SPAG9: variants seen among roughly 807,000 people sequenced by gnomAD.
SPAG9 encodes the protein sperm associated antigen 9, also known as C-Jun-amino-terminal kinase-interacting protein 4.
Under a neutral mutation model 166.5 loss-of-function variants are expected in SPAG9, and 35 were observed. The observed-to-expected ratio is 0.21, with a 90% confidence interval of 0.16 to 0.28. SPAG9 has a LOEUF of 0.28. Ranked by LOEUF, SPAG9 falls within the 10% of genes least tolerant of loss-of-function variation. SPAG9 has a pLI of 1.00. For synonymous variants in SPAG9, 534 were observed against 565.5 expected, an observed-to-expected ratio of 0.94 and a Z score of 0.79; for missense variants, 1,235 against 1,603.3, an observed-to-expected ratio of 0.77 and a Z score of 3.92.
chr17:51,061,190 A>C (rs948937558), intron 2 of SPAG9, among the ~76,000 whole-genome samples: 1 of 152,128 alleles, frequency 6.6e-6, no homozygotes, highest in Non-Finnish European at 1.5e-5. Flanking sequence ...ACTTGGTCAG[A>C]GAGCTGGGTT....
At chr17:51,079,746 AC>A in intron 1 of SPAG9, 42 bp from the exon 2 acceptor site, 1 of 1,354,828 alleles carries the variant, frequency 7.4e-7, no homozygotes, top group South Asian at 1.3e-5. Flanking sequence ...GAGAAATTAA[AC>A]TTTACATTTT....
chr17:51,095,073 A>G (rs2144705617), intron 1 of SPAG9, among the ~76,000 whole-genome samples: 1 of 150,436 alleles, frequency 6.6e-6, no homozygotes. Context: ...AGGTGCATGG[A>G]TCACGAGGTC....
At chr17:51,112,681 A>AAAAAC (rs2049150781) in intron 1 of SPAG9, among the ~76,000 whole-genome samples, 1 of 135,828 alleles carries the variant, frequency 7.4e-6, no homozygotes, top group African/African-American at 3.6e-5. Flanking sequence ...CAAAAAAAAA[A>AAAAAC]AAAAAAAAAA....
At chr17:51,103,378 CCA>C (rs1286600378) in intron 1 of SPAG9, among the ~76,000 whole-genome samples, 1 of 152,130 alleles carries the variant, frequency 6.6e-6, no homozygotes, top group Non-Finnish European at 1.5e-5. Context: ...TGTGCCCAAA[CCA>C]CAGTCGGGTG....
chr17:51,037,687 T>TATATA (rs1568028331), intron 5 of SPAG9, among the ~76,000 whole-genome samples: 28 of 74,158 alleles, frequency 3.8e-4, no homozygotes, highest in African/African-American at 1.3e-3. Context: ...ATATATATAG[T>TATATA]GTGTGTGTGT....
At chr17:51,086,208 G>A (rs2048302373) in intron 1 of SPAG9, among the ~76,000 whole-genome samples, 2 of 151,876 alleles carry the variant, frequency 1.3e-5, no homozygotes, top group Admixed American at 6.6e-5. Flanking sequence ...TCAAACTCCT[G>A]ACCTCAGGTG....
intron 1 of SPAG9, among the ~76,000 whole-genome samples, chr17:51,083,856 C>A (rs1161448804): frequency 6.6e-6 from 1 of 152,080 alleles, no homozygotes; most frequent in Non-Finnish European, 1.5e-5. Context: ...CCGCCCATGT[C>A]AAATGCCACC....
intron 1 of SPAG9, among the ~76,000 whole-genome samples, chr17:51,085,959 A>ATTT (rs34918673): frequency 0.024 from 2,126 of 88,100 alleles, 83 homozygotes; most frequent in Non-Finnish European, 0.029. Context: ...CTTGGAAATC[A>ATTT]TTTTTTTTTT....
chr17:51,031,965 C>G, intron 5 of SPAG9: 2 of 629,736 alleles, frequency 3.2e-6, no homozygotes, highest in Non-Finnish European at 5.9e-6. Flanking sequence ...TATCAACATG[C>G]AGCTCATTGT....
chr17:51,030,847 T>C (rs139313657), intron 6 of SPAG9: 1 of 151,844 alleles, frequency 6.6e-6, no homozygotes, highest in East Asian at 1.9e-4. Flanking sequence ...ACCTAGCACG[T>C]AGGAGAAAGT....
At chr17:51,111,795 G>A (rs1325357530) in intron 1 of SPAG9, among the ~76,000 whole-genome samples, 1 of 152,008 alleles carries the variant, frequency 6.6e-6, no homozygotes, top group East Asian at 1.9e-4. Context: ...TAGAGACGGG[G>A]TTTCACCATG....
In SPAG9 at chr17:51,112,738, C is replaced by T. The variant is rs563532730; in HGVS notation, c.303+7616G>A. On this transcript the variant is annotated intron_variant, in intron 1 of 29. Transcript: ENST00000262013. ...CACAAGGCAGGAGGATCCACTTGAG[C>T]CCAGGAGTTCCAGACCAGACTGGGC... 6.0e-4 allele frequency among the ~76,000 whole-genome samples: 89 copies of T among 147,738 alleles called. 2 individuals carry two copies. The Middle Eastern group carries it at 0.019, about 32-fold the overall frequency.
intron 1 of SPAG9, among the ~76,000 whole-genome samples, chr17:51,102,938 A>G (rs1408545438): frequency 6.6e-6 from 1 of 152,150 alleles, no homozygotes; most frequent in East Asian, 1.9e-4. Context: ...GAATTCCTAC[A>G]ATACTTCTGA....
At position 51,120,845 on chromosome 17, in the gene SPAG9, C is replaced by T. The variant is rs940301219; in HGVS notation, c.-189G>A. 1.1e-5 allele frequency: 4 copies of T among 377,454 alleles called. No homozygotes were observed. The highest frequency in any genetic ancestry group is 1.9e-5 in the Non-Finnish European group (4 of 215,754). 23.4% of individuals were successfully genotyped at this position (377,454 alleles called of 1,614,324 possible). A position where few individuals can be genotyped will look rare whatever the true frequency, so the allele number is the denominator to read the frequency against. On this transcript the variant is annotated 5_prime_UTR_variant, in exon 1 of 30. Transcript: ENST00000262013. This position sits in a 1 kb window ranked among gnomAD's most constrained non-coding sequence, Gnocchi z 4.7. ...GAGGGGTGGCGTAGGCGCTCTCACCCCAACCGCCGCTGCACCAACTGCCGG... is the reference window on the plus strand; with the variant it reads ...GAGGGGTGGCGTAGGCGCTCTCACCTCAACCGCCGCTGCACCAACTGCCGG...
chr17:51,074,485 T>C (rs1025142362), intron 2 of SPAG9, among the ~76,000 whole-genome samples: 1 of 152,208 alleles, frequency 6.6e-6, no homozygotes, highest in Non-Finnish European at 1.5e-5. Flanking sequence ...ACGGTCAATT[T>C]TGATTAACCA....
intron 19 of SPAG9, 106 bp downstream of exon 19, chr17:50,993,658 A>G: frequency 9.4e-7 from 1 of 1,059,228 alleles, no homozygotes; most frequent in Non-Finnish European, 1.4e-6. Context: ...CTAGAACATA[A>G]GCTTCATGAC....
intron 6 of SPAG9, among the ~76,000 whole-genome samples, chr17:51,025,917 T>C (rs2046149896): frequency 1.3e-5 from 2 of 152,146 alleles, no homozygotes; most frequent in African/African-American, 4.8e-5. Context: ...TTAAAAAATA[T>C]AAAATAAACA....
intron 1 of SPAG9, among the ~76,000 whole-genome samples, chr17:51,115,465 A>G (rs2049260242): frequency 6.6e-6 from 1 of 151,502 alleles, no homozygotes; most frequent in African/African-American, 2.4e-5. Flanking sequence ...CAGACACAAA[A>G]TCACATAATC....
chr17:51,008,130 A>T (rs1266116750), intron 9 of SPAG9, among the ~76,000 whole-genome samples: 1 of 152,204 alleles, frequency 6.6e-6, no homozygotes, highest in Non-Finnish European at 1.5e-5. Flanking sequence ...TCTTCAATTA[A>T]CAATACAAAC....
Sources: gnomAD v4.1 joint callset for allele counts (sites outside exome capture counted in the v4.1 genomes callset) on GRCh38, gnomAD v4.1.1 for gene constraint, Gnocchi (gnomAD v3.1) non-coding constraint, MANE v1.5 for transcripts, NCBI Gene and HGNC (gene_info 2026-07-23, HGNC 2026-07-21) for gene names.